Variants in REV1 observed in about 807,000 individuals in gnomAD.
The protein encoded by REV1 is translesion synthesis protein REV1.
A neutral mutation model predicts 137.4 loss-of-function variants in REV1; 42 were observed. The ratio of observed to expected loss-of-function variants is 0.31; its 90% CI spans 0.24 to 0.40. The LOEUF (loss-of-function observed/expected upper bound fraction) is 0.40. REV1 is among the 10% of genes least tolerant of loss of function. The pLI is 1.00. For missense variants in REV1, 1,282 were observed against 1,490.1 expected, an observed-to-expected ratio of 0.86 and a Z score of 2.30; for synonymous variants, 524 against 519.2, an observed-to-expected ratio of 1.01 and a Z score of -0.12.
intron 4 of REV1, among the ~76,000 whole-genome samples, chr2:99,446,241 G>A (rs1260094868): frequency 2.0e-5 from 3 of 152,100 alleles, no homozygotes; most frequent in Non-Finnish European, 2.9e-5. Context: ...TCTGTTCTTG[G>A]GCAAGTCAGT....
rs754428066 is a variant in REV1 at position 99,402,237 on chromosome 2, TTAC to T, written c.3644+4_3644+6del. 1.0e-5 allele frequency: 12 copies of T among 1,148,052 alleles called. No homozygotes were observed. The highest frequency in any genetic ancestry group is 2.4e-5 in the East Asian group (1 of 40,934). The allele number at this position is 1,148,052 out of a possible 1,614,324, so 71.1% of individuals were successfully genotyped here. A position where few individuals can be genotyped will look rare whatever the true frequency, so the allele number is the denominator to read the frequency against. On this transcript the variant is annotated splice_donor_5th_base_variant and intron_variant, in intron 22 of 22. Coordinates refer to ENST00000258428, the MANE Select transcript of REV1 (RefSeq NM_016316.4). ...TTTCCCATTTGATAAAAGTGATGAA[TTAC>T]TACCTTTTCATGTATTTTATAACTA...
chr2:99,435,216 A>G (rs1448402815), intron 7 of REV1, among the ~76,000 whole-genome samples: 2 of 152,180 alleles, frequency 1.3e-5, no homozygotes, highest in African/African-American at 4.8e-5. Context: ...TGCCATAGTG[A>G]TTCCTTATTT....
intron 9 of REV1, among the ~76,000 whole-genome samples, chr2:99,426,017 C>CA (rs1373698229): frequency 6.6e-6 from 1 of 150,922 alleles, no homozygotes; most frequent in Non-Finnish European, 1.5e-5. Flanking sequence ...GCCTGGGCAA[C>CA]AAGAGCGAAA....
At chr2:99,470,833 A>G (rs1685331535) in intron 1 of REV1, among the ~76,000 whole-genome samples, 1 of 152,224 alleles carries the variant, frequency 6.6e-6, no homozygotes, top group Non-Finnish European at 1.5e-5. Context: ...GTGTACTCTC[A>G]TGGCAAAACT....
chr2:99,483,530 C>T (rs939142388), intron 1 of REV1, among the ~76,000 whole-genome samples: 3 of 152,066 alleles, frequency 2.0e-5, no homozygotes, highest in Admixed American at 6.5e-5. Context: ...CCATGGGACC[C>T]GACTAGTCTT....
rs555801409 is a variant in REV1 at position 99,471,405 on chromosome 2, T to G, written c.-10-6420A>C. On this transcript the variant is annotated intron_variant, in intron 1 of 22. Transcript: ENST00000258428. ...TATCACATGCAAAAGAAGTTGGACC[T>G]TTACACCATGTTAAAAAAAAACTTA... is the stretch of plus-strand genomic sequence containing the variant. Among the ~76,000 whole-genome samples, 3 of 148,676 alleles carry G rather than the reference T, an allele frequency of 2.0e-5. No homozygotes were observed. In the South Asian group the frequency reaches 6.3e-4, roughly 31 times the overall value.
chr2:99,448,766 C>T (rs1395739082), intron 4 of REV1, among the ~76,000 whole-genome samples: 1 of 152,186 alleles, frequency 6.6e-6, no homozygotes, highest in African/African-American at 2.4e-5. Flanking sequence ...GAGGTGCACA[C>T]ATATTTGTTG....
At chr2:99,483,817 G>T (rs12470050) in intron 1 of REV1, among the ~76,000 whole-genome samples, 2 of 152,080 alleles carry the variant, frequency 1.3e-5, no homozygotes, top group Admixed American at 1.3e-4. Context: ...GGAAAACCTA[G>T]GGTCTCATCT....
In REV1 at chr2:99,402,632, G is replaced by T. The variant is rs749973933; in HGVS notation, c.3541+12C>A. 1 of 1,612,502 alleles carries T rather than the reference G, an allele frequency of 6.2e-7. No individual in the cohort carries two copies. The highest frequency in any genetic ancestry group is 1.1e-5 in the South Asian group (1 of 90,952). ...TCTCAGCCTTGGGCCATCTAACACA[G>T]GCCAAGCCAACCTGAAATTGTAGTT... On this transcript the variant is annotated intron_variant, in intron 21 of 22. Coordinates refer to ENST00000258428, the MANE Select transcript of REV1 (RefSeq NM_016316.4).
Position 99,401,133 on chromosome 2 carries a change from G to T in REV1, c.*108C>A, listed in dbSNP as rs988721457. On this transcript the variant is annotated 3_prime_UTR_variant, in exon 23 of 23. Coordinates refer to ENST00000258428, the MANE Select transcript of REV1 (RefSeq NM_016316.4). ...AATGTACAAAACACTTGCTTTAAAAGAAATTTAAAATTATAAAAACTCCGA... is the reference window on the plus strand; with the variant it reads ...AATGTACAAAACACTTGCTTTAAAATAAATTTAAAATTATAAAAACTCCGA... 1 of 592,866 alleles carries T rather than the reference G, an allele frequency of 1.7e-6. No individual in the cohort carries two copies. Among genetic ancestry groups the T allele is most frequent in the Non-Finnish European group, 2.8e-6 (1 of 352,552 alleles). The allele number at this position is 592,866 out of a possible 1,614,324, so 36.7% of individuals were successfully genotyped here. A position where few individuals can be genotyped will look rare whatever the true frequency, so the allele number is the denominator to read the frequency against.
At position 99,400,513 on chromosome 2, in the gene REV1, A is replaced by G. The variant is rs1414707532; in HGVS notation, c.*728T>C. On this transcript the variant is annotated 3_prime_UTR_variant, in exon 23 of 23. Transcript: ENST00000258428. ...TATTTTTATTTTAAAGTTATGGCATAACATATAACATAAAAATATTTTATA... is the reference window on the plus strand; with the variant it reads ...TATTTTTATTTTAAAGTTATGGCATGACATATAACATAAAAATATTTTATA... 1 of 152,224 alleles carries G rather than the reference A, an allele frequency of 6.6e-6. No individual in the cohort carries two copies. The highest frequency in any genetic ancestry group is 1.5e-5 in the Non-Finnish European group (1 of 68,038). The allele number at this position is 152,224 out of a possible 1,614,324, so 9.4% of individuals were successfully genotyped here. A position where few individuals can be genotyped will look rare whatever the true frequency, so the allele number is the denominator to read the frequency against.
intron 4 of REV1, among the ~76,000 whole-genome samples, chr2:99,446,109 C>T (rs1682173863): frequency 6.6e-6 from 1 of 152,184 alleles, no homozygotes; most frequent in South Asian, 2.1e-4. Flanking sequence ...TAATGGACTC[C>T]TGGCATTTAA....
chr2:99,475,228 T>C (rs542830458), intron 1 of REV1, among the ~76,000 whole-genome samples: 84 of 152,200 alleles, frequency 5.5e-4, no homozygotes, highest in Admixed American at 1.0e-3. Context: ...CTGGTTTCCA[T>C]TGGCTGGAAC....
At position 99,442,081 on chromosome 2, in the gene REV1, G is replaced by A. The variant is rs556804131; in HGVS notation, c.503+236C>T. ...AGCCTGGCCAAGATGGTGAAACCCC[G>A]TCTCTACTAAAAATACAAAAATTAG... On this transcript the variant is annotated intron_variant, in intron 5 of 22. Coordinates refer to ENST00000258428, the MANE Select transcript of REV1 (RefSeq NM_016316.4). Among the ~76,000 whole-genome samples, 21 of 151,236 alleles carry A rather than the reference G, an allele frequency of 1.4e-4. No individual in the cohort carries two copies. In the East Asian group the frequency reaches 2.0e-3, roughly 14 times the overall value.
intron 1 of REV1, among the ~76,000 whole-genome samples, chr2:99,471,860 C>T (rs985725982): frequency 1.4e-5 from 2 of 146,720 alleles, no homozygotes; most frequent in African/African-American, 5.1e-5. Flanking sequence ...AATGAGATAC[C>T]ACCTCACACC....
At position 99,404,532 on chromosome 2, in the gene REV1, A is replaced by G. The variant is rs1675999496; in HGVS notation, c.2957T>C (p.Val986Ala). Reference protein sequence around the residue: ...GCNTGILPQPVGTVLLQIPEP... With the variant: ...GCNTGILPQPAGTVLLQIPEP... ...TGGTATTTGCAACAAGACTGTCCCA[A>G]CTGGTTGTGGCAAAATTCCTGTATT... The change falls in exon 18 of 23, where the codon GTT (valine) becomes GCT (alanine). Residue 986 changes from valine (V) to alanine (A), a missense_variant. Around this residue, in one of 7 missense-constraint regions of REV1, gnomAD observed 135 missense variants for 123.3 expected, o/e 1.10. Transcript: ENST00000258428. The G allele has an allele frequency of 2.5e-6, 4 of 1,614,042 alleles. No homozygotes were observed. The South Asian group carries it at 3.3e-5, about 13-fold the overall frequency.
intron 6 of REV1, among the ~76,000 whole-genome samples, chr2:99,437,834 G>C (rs944995313): frequency 6.6e-6 from 1 of 151,932 alleles, no homozygotes; most frequent in Non-Finnish European, 1.5e-5. Flanking sequence ...AAAGCACATA[G>C]GAATACATCA....
chr2:99,409,117 TA>T (rs1166877597), intron 14 of REV1, among the ~76,000 whole-genome samples: 1 of 152,200 alleles, frequency 6.6e-6, no homozygotes, highest in East Asian at 1.9e-4. Context: ...TCTACATAAA[TA>T]AGTTTTTAAA....
intron 8 of REV1, among the ~76,000 whole-genome samples, chr2:99,430,910 T>G (rs1680035380): frequency 6.6e-6 from 1 of 152,202 alleles, no homozygotes; most frequent in Non-Finnish European, 1.5e-5. Context: ...TCTACTATTA[T>G]AAACAAAAGT....
Sources: gnomAD v4.1 joint callset for allele counts (sites outside exome capture counted in the v4.1 genomes callset) on GRCh38, gnomAD v4.1.1 for gene constraint, gnomAD v4.1.1 regional missense constraint, MANE v1.5 for transcripts, NCBI Gene and HGNC (gene_info 2026-07-23, HGNC 2026-07-21) for gene names.